SCLT1: variants seen among roughly 807,000 people sequenced by gnomAD.
SCLT1 encodes sodium channel and clathrin linker 1.
In SCLT1, 78 loss-of-function variants were observed where a neutral mutation model predicts 112.8. The observed-to-expected ratio is 0.69, with a 90% CI of 0.58 to 0.83. SCLT1 has a LOEUF of 0.83. Among genes scored for constraint, SCLT1 ranks in the 40% least tolerant of loss-of-function variants. The pLI, the probability that SCLT1 is intolerant of heterozygous loss-of-function variation, is 0.00. For synonymous variants in SCLT1, 257 were observed against 254.7 expected (o/e 1.01, Z -0.09); for missense variants, 747 against 770.4 (o/e 0.97, Z 0.36).
At chr4:128,900,088 T>C (rs1044302014) in intron 18 of SCLT1, among the ~76,000 whole-genome samples, 18 of 152,046 alleles carry the variant, frequency 1.2e-4, no homozygotes, top group African/African-American at 4.3e-4. Context: ...ACCATGAAAA[T>C]GGCCATACTG....
intron 2 of SCLT1, among the ~76,000 whole-genome samples, chr4:129,057,243 TGAA>T (rs2125723669): frequency 6.6e-6 from 1 of 152,306 alleles, no homozygotes; most frequent in African/African-American, 2.4e-5. Flanking sequence ...ATTATTTTGT[TGAA>T]GAATTTTCAA....
intron 12 of SCLT1, among the ~76,000 whole-genome samples, chr4:128,958,720 C>G (rs1043095476): frequency 2.6e-5 from 4 of 152,086 alleles, no homozygotes; most frequent in African/African-American, 7.2e-5. Flanking sequence ...TTCCTCTTAA[C>G]CATTCTAAAA....
chr4:129,038,290 GAATGTA>G (rs1429296494), intron 5 of SCLT1, among the ~76,000 whole-genome samples: 1 of 152,094 alleles, frequency 6.6e-6, no homozygotes, highest in African/African-American at 2.4e-5. Context: ...TCACTGGTAA[GAATGTA>G]AATTGGTACA....
intron 2 of SCLT1, among the ~76,000 whole-genome samples, chr4:129,081,170 AT>A (rs1299908566): frequency 6.6e-6 from 1 of 152,208 alleles, no homozygotes; most frequent in Non-Finnish European, 1.5e-5. Context: ...GCTCAAGGAA[AT>A]TCACAGAAAC....
intron 2 of SCLT1, among the ~76,000 whole-genome samples, chr4:129,065,641 T>C (rs912837249): frequency 6.6e-6 from 1 of 152,044 alleles, no homozygotes; most frequent in Non-Finnish European, 1.5e-5. Flanking sequence ...CAGTGGGCTA[T>C]AGTTTGCTAA....
At chr4:129,032,416 G>A (rs745808455) in intron 5 of SCLT1, among the ~76,000 whole-genome samples, 7 of 152,038 alleles carry the variant, frequency 4.6e-5, no homozygotes, top group Non-Finnish European at 1.0e-4. Context: ...TACCATTCAG[G>A]ACAAAGGCAT....
chr4:129,071,869 T>C lies in SCLT1; in HGVS notation c.102+10437A>G, dbSNP rs552421543. Reference sequence around the variant, plus strand: ...CTGTTGCCAGTGTACTTTGGTTTTTTTGTTTTTGCTTTTTTAGCTTATATT... The same window carrying C: ...CTGTTGCCAGTGTACTTTGGTTTTTCTGTTTTTGCTTTTTTAGCTTATATT... On this transcript the variant is annotated intron_variant, in intron 2 of 20. Transcript: ENST00000281142. Among the ~76,000 whole-genome samples, 21 of 152,290 alleles carry C rather than the reference T, an allele frequency of 1.4e-4. No homozygotes were observed. In the South Asian group the frequency reaches 3.1e-3, roughly 23 times the overall value.
At chr4:128,898,012 G>C (rs1378631089) in intron 18 of SCLT1, among the ~76,000 whole-genome samples, 1 of 152,140 alleles carries the variant, frequency 6.6e-6, no homozygotes, top group Non-Finnish European at 1.5e-5. Context: ...GGAGCACCCA[G>C]ATTCATAAAG....
chr4:129,039,760 A>C (rs1191382082), intron 4 of SCLT1: 1 of 164,760 alleles, frequency 6.1e-6, no homozygotes, highest in Non-Finnish European at 1.3e-5. Context: ...ACGTTCTCTG[A>C]AGGAGTAAAA....
chr4:128,873,257 A>G (rs1365623917), intron 5 of SCLT1: 2 of 132,130 alleles, frequency 1.5e-5, no homozygotes, highest in African/African-American at 3.0e-5. Flanking sequence ...AAGAAAAAGG[A>G]AAAAAAAAAA....
chr4:129,002,415 T>A (rs1437580127), intron 6 of SCLT1, among the ~76,000 whole-genome samples: 1 of 152,014 alleles, frequency 6.6e-6, no homozygotes, highest in African/African-American at 2.4e-5. Context: ...AGAAAAAGTA[T>A]AATTCTAGAA....
intron 18 of SCLT1, among the ~76,000 whole-genome samples, chr4:128,932,247 C>T (rs948338141): frequency 4.6e-5 from 7 of 151,732 alleles, no homozygotes; most frequent in African/African-American, 1.7e-4. Flanking sequence ...AAGTATAAAC[C>T]ACAGAACATT....
At chr4:129,039,898 GCGCACACACACACACACA>G (rs1747531562) in intron 4 of SCLT1, 2 of 241,508 alleles carry the variant, frequency 8.3e-6, no homozygotes, top group Admixed American at 5.8e-5. Flanking sequence ...GTGTGCGCGC[GCGCACACACACACACACA>G]CACACACACA....
Position 128,884,277 on chromosome 4 carries a change from C to T in SCLT1, c.*200G>A. The T allele has an allele frequency of 2.3e-6, 1 of 429,264 alleles. No homozygotes were observed. Among genetic ancestry groups the T allele is most frequent in the East Asian group, 3.5e-5 (1 of 28,482 alleles). 26.6% of individuals were successfully genotyped at this position (429,264 alleles called of 1,614,324 possible). A position where few individuals can be genotyped will look rare whatever the true frequency, so the allele number is the denominator to read the frequency against. ...AGCTGGTTTATTCTCCACTGAAGCT[C>T]AATATAGGATTATATTTTCTTTACT... On this transcript the variant is annotated 3_prime_UTR_variant, in exon 21 of 21. Transcript: ENST00000281142.
At chr4:129,054,673 A>G (rs1749185178) in intron 2 of SCLT1, among the ~76,000 whole-genome samples, 1 of 151,956 alleles carries the variant, frequency 6.6e-6, no homozygotes, top group Non-Finnish European at 1.5e-5. Flanking sequence ...GAAGGTTCTG[A>G]GCTTCCTTGC....
At chr4:128,978,775 A>T (rs1741404277) in intron 9 of SCLT1, among the ~76,000 whole-genome samples, 2 of 152,198 alleles carry the variant, frequency 1.3e-5, no homozygotes, top group African/African-American at 4.8e-5. Flanking sequence ...AAGTCTTAAA[A>T]GAACCATGCA....
At chr4:129,032,147 A>G (rs1342156148) in intron 5 of SCLT1, among the ~76,000 whole-genome samples, 1 of 152,112 alleles carries the variant, frequency 6.6e-6, no homozygotes, top group African/African-American at 2.4e-5. Flanking sequence ...ATATATATAG[A>G]CCAATGGAAC....
intron 5 of SCLT1, among the ~76,000 whole-genome samples, chr4:129,033,043 C>G (rs1289648895): frequency 6.6e-6 from 1 of 152,056 alleles, no homozygotes; most frequent in African/African-American, 2.4e-5. Context: ...CATATGTTTA[C>G]TGAAGCACTA....
At chr4:128,978,793 A>T (rs1034434661) in intron 9 of SCLT1, among the ~76,000 whole-genome samples, 2 of 152,128 alleles carry the variant, frequency 1.3e-5, no homozygotes, top group Non-Finnish European at 2.9e-5. Context: ...GCAAAAGAGA[A>T]ACTAAGATTT....
Sources: gnomAD v4.1 joint callset for allele counts (sites outside exome capture counted in the v4.1 genomes callset) on GRCh38, gnomAD v4.1.1 for gene constraint, MANE v1.5 for transcripts, NCBI Gene and HGNC (gene_info 2026-07-23, HGNC 2026-07-21) for gene names.